Variants in CCDC93 observed in about 807,000 individuals in gnomAD.
CCDC93 encodes the protein CCC complex scaffolding subunit CCDC93.
In CCDC93, 61 loss-of-function variants were observed where a neutral mutation model predicts 108.2. The ratio of observed to expected loss-of-function variants is 0.56; its 90% confidence interval spans 0.46 to 0.70. The LOEUF (loss-of-function observed/expected upper bound fraction) is 0.70. Ranked by LOEUF, CCDC93 falls within the 30% of genes least tolerant of loss-of-function variation. The pLI is 0.00. For synonymous variants in CCDC93, 276 were observed against 260.4 expected (o/e 1.06, Z -0.58); for missense variants, 685 against 764.2 (o/e 0.90, Z 1.22).
At chr2:117,961,218 G>C (rs1465024996) in intron 11 of CCDC93, among the ~76,000 whole-genome samples, 2 of 151,952 alleles carry the variant, frequency 1.3e-5, no homozygotes, top group Non-Finnish European at 2.9e-5. Context: ...CAACCATACA[G>C]AGAGAAAATG....
rs573755266 is a variant in CCDC93, at chr2:117,978,060, C to T, written c.621-30G>A. On this transcript the variant is annotated intron_variant, in intron 7 of 23. Transcript: ENST00000376300. ...AGGCCACAAAAAAGGAGTTTAATTA[C>T]TACTTAAAAAATTACAATACATTCA... 1.8e-5 allele frequency: 29 copies of T among 1,605,312 alleles called. No homozygotes were observed. The East Asian group carries it at 6.0e-4, about 33-fold the overall frequency.
intron 3 of CCDC93, among the ~76,000 whole-genome samples, chr2:118,002,757 G>A (rs1676743530): frequency 1.3e-5 from 2 of 152,062 alleles, no homozygotes; most frequent in African/African-American, 4.8e-5. Context: ...CCTGAGAGGG[G>A]CCAGGCATGG....
Position 117,918,373 on chromosome 2 carries a change from A to C in CCDC93, c.*1970T>G, listed in dbSNP as rs1313207783. On this transcript the variant is annotated 3_prime_UTR_variant, in exon 24 of 24. Transcript: ENST00000376300. ...CCTCTCTATACCAAAACCAAACCAA[A>C]TGAAACTCCTATGAAATACAGCTCA... 1.3e-5 allele frequency: 2 copies of C among 152,150 alleles called. No homozygotes were observed. 9.4% of individuals were successfully genotyped at this position (152,150 alleles called of 1,614,324 possible). A position where few individuals can be genotyped will look rare whatever the true frequency, so the allele number is the denominator to read the frequency against.
chr2:117,981,870 C>G (rs79366119), intron 7 of CCDC93, among the ~76,000 whole-genome samples: 3,087 of 152,222 alleles, frequency 0.02, 38 homozygotes, highest in Middle Eastern at 0.065. Context: ...AACAAACTAA[C>G]TTTCAAGAAC....
intron 12 of CCDC93, among the ~76,000 whole-genome samples, chr2:117,956,049 G>C (rs1573486455): frequency 6.6e-6 from 1 of 152,304 alleles, no homozygotes; most frequent in South Asian, 2.1e-4. Flanking sequence ...AATGTGTTTA[G>C]TATATCTGCA....
intron 11 of CCDC93, among the ~76,000 whole-genome samples, chr2:117,966,818 A>T (rs976512557): frequency 6.6e-6 from 1 of 152,242 alleles, no homozygotes; most frequent in African/African-American, 2.4e-5. Flanking sequence ...TGATTCTCAG[A>T]ATCAAAAGGT....
intron 5 of CCDC93, 43 bp downstream of exon 5, chr2:117,996,221 T>G: frequency 7.5e-7 from 1 of 1,338,526 alleles, no homozygotes; most frequent in Non-Finnish European, 1.1e-6. Flanking sequence ...AAGTGTGCAC[T>G]CTGTTTCTCA....
chr2:117,943,485 T>C (rs1407156156), intron 18 of CCDC93, among the ~76,000 whole-genome samples: 1 of 152,232 alleles, frequency 6.6e-6, no homozygotes, highest in African/African-American at 2.4e-5. Flanking sequence ...GGGCTCTCAC[T>C]GGCCTCTGCA....
In CCDC93 at chr2:117,937,447, T is replaced by C. The variant is rs3771937; in HGVS notation, c.1606-708A>G. The stretch of plus-strand genomic sequence containing the variant: ...GGTTCACAGTCAGCAATGTAGAATA[T>C]TTCTTGTCCTTAGTACTCCACAGGA... On this transcript the variant is annotated intron_variant, in intron 20 of 23. Coordinates refer to ENST00000376300, the MANE Select transcript of CCDC93 (RefSeq NM_019044.5). Among the ~76,000 whole-genome samples, 264 of 152,312 alleles carry C rather than the reference T, an allele frequency of 1.7e-3. 4 individuals are homozygous for C. The East Asian group carries it at 0.044, about 25-fold the overall frequency.
chr2:117,919,895 C>T lies in CCDC93; in HGVS notation c.*448G>A, dbSNP rs575377944. 104 of 153,746 alleles carry T rather than the reference C, an allele frequency of 6.8e-4. 2 individuals carry two copies. The highest frequency in any genetic ancestry group is 4.1e-4 in the South Asian group (2 of 4,908). 9.5% of individuals were successfully genotyped at this position (153,746 alleles called of 1,614,324 possible). A position where few individuals can be genotyped will look rare whatever the true frequency, so the allele number is the denominator to read the frequency against. On this transcript the variant is annotated 3_prime_UTR_variant, in exon 24 of 24. Coordinates refer to ENST00000376300, the MANE Select transcript of CCDC93 (RefSeq NM_019044.5). ...GCGGTCAAGTGTGCTGTATCTGCCT[C>T]CCTGGGCCACCTGCTGGGTACTTGT...
At chr2:117,984,114 C>T (rs1412755054) in intron 7 of CCDC93, among the ~76,000 whole-genome samples, 1 of 152,098 alleles carries the variant, frequency 6.6e-6, no homozygotes. Flanking sequence ...GCTAAATATA[C>T]TATCAGAATG....
chr2:117,998,050 A>G (rs1680715433), intron 4 of CCDC93: 1 of 152,236 alleles, frequency 6.6e-6, no homozygotes, highest in African/African-American at 2.4e-5. Context: ...AAACTCTTGG[A>G]CAGCCTAGCT....
Position 117,936,758 on chromosome 2 carries a change from A to C in CCDC93, c.1606-19T>G. The C allele has an allele frequency of 1.2e-6, 2 of 1,609,456 alleles. No homozygotes were observed. The highest frequency in any genetic ancestry group is 1.7e-6 in the Non-Finnish European group (2 of 1,175,712). ...GACTAATCTGGGGAAGTAAAAAAAC[A>C]AACGAAATTATAAGACAGGCAAAAA... is the stretch of plus-strand genomic sequence containing the variant. On this transcript the variant is annotated intron_variant, in intron 20 of 23. Coordinates refer to ENST00000376300, the MANE Select transcript of CCDC93 (RefSeq NM_019044.5).
Position 117,986,146 on chromosome 2 carries a change from A to G in CCDC93, c.520-77T>C, listed in dbSNP as rs534793525. ...AATTGGCTGCTGGATGCCTCCAGCC[A>G]TGGGGTATATTCTCTTTTTTTTTTT... On this transcript the variant is annotated intron_variant, in intron 6 of 23. Coordinates refer to ENST00000376300, the MANE Select transcript of CCDC93 (RefSeq NM_019044.5). 156 of 610,372 alleles carry G rather than the reference A, an allele frequency of 2.6e-4. No homozygotes were observed. In the African/African-American group the frequency reaches 2.8e-3, roughly 11 times the overall value. The allele number at this position is 610,372 out of a possible 1,614,324, so 37.8% of individuals were successfully genotyped here.
At chr2:117,962,406 G>A (rs891579734) in intron 11 of CCDC93, among the ~76,000 whole-genome samples, 1 of 152,348 alleles carries the variant, frequency 6.6e-6, no homozygotes, top group East Asian at 1.9e-4. Flanking sequence ...CACCTCCAGA[G>A]GCCAAGGTGA....
chr2:118,004,137 A>G (rs2104827877), intron 3 of CCDC93, among the ~76,000 whole-genome samples: 1 of 152,354 alleles, frequency 6.6e-6, no homozygotes, highest in South Asian at 2.1e-4. Context: ...AACTTTTGGC[A>G]AGTAACTTGG....
rs1676884322 is a variant in CCDC93, at chr2:118,006,846, C to A, written c.157-30G>T. On this transcript the variant is annotated intron_variant, in intron 2 of 23. Transcript: ENST00000376300. ...AAGACATAAAGAAAATATTTGTTTT[C>A]TCTTTTTAGTTTGGGGAGAATGGAA... 7 of 1,429,556 alleles carry A rather than the reference C, an allele frequency of 4.9e-6. No individual in the cohort carries two copies. The African/African-American group carries it at 7.0e-5, about 14-fold the overall frequency. The allele number at this position is 1,429,556 out of a possible 1,614,324, so 88.6% of individuals were successfully genotyped here.
chr2:117,997,037 A>G (rs10167050), intron 4 of CCDC93: 31,286 of 152,206 alleles, frequency 0.21, 3,392 homozygotes, highest in Middle Eastern at 0.3. Context: ...TAACTTACTC[A>G]TGGATCCATA....
intron 11 of CCDC93, among the ~76,000 whole-genome samples, chr2:117,962,995 A>G (rs947212615): frequency 1.1e-4 from 17 of 152,224 alleles, no homozygotes; most frequent in African/African-American, 3.4e-4. Flanking sequence ...CAAAAAACCC[A>G]TAAGTAAGGA....
Sources: gnomAD v4.1 joint callset for allele counts (sites outside exome capture counted in the v4.1 genomes callset) on GRCh38, gnomAD v4.1.1 for gene constraint, MANE v1.5 for transcripts, NCBI Gene and HGNC (gene_info 2026-07-23, HGNC 2026-07-21) for gene names.